GPR158: variants seen among roughly 807,000 people sequenced by gnomAD.
GPR158 encodes the protein G protein-coupled receptor 158.
In GPR158, 30 loss-of-function variants were observed where a neutral mutation model predicts 78.2. The observed-to-expected ratio is 0.38, with a 90% CI of 0.29 to 0.52. The LOEUF is 0.52. GPR158 is among the 20% of genes least tolerant of loss of function. The pLI is 0.83. For synonymous variants in GPR158, 581 were observed against 591.1 expected, an observed-to-expected ratio of 0.98 and a Z score of 0.25; for missense variants, 1,463 against 1,523.5, an observed-to-expected ratio of 0.96 and a Z score of 0.66.
chr10:25,532,268 G>A lies in GPR158; in HGVS notation c.1405-18708G>A, dbSNP rs370901932. On this transcript the variant is annotated intron_variant, in intron 5 of 10. Coordinates refer to ENST00000376351, the MANE Select transcript of GPR158 (RefSeq NM_020752.3). ...GTCTATGCAAGACTATCTGTTAAAC[G>A]GATGAGGCACCATACTAAGCTAAAG... Among the ~76,000 whole-genome samples the A allele has an allele frequency of 6.6e-5, 10 of 151,018 alleles. No homozygotes were observed. The East Asian group carries it at 1.4e-3, about 21-fold the overall frequency.
At chr10:25,265,357 T>C (rs984880495) in intron 2 of GPR158, among the ~76,000 whole-genome samples, 1 of 152,164 alleles carries the variant, frequency 6.6e-6, no homozygotes, top group Non-Finnish European at 1.5e-5. Flanking sequence ...ATGTTCCAGA[T>C]TGTGCAGTTT....
intron 2 of GPR158, among the ~76,000 whole-genome samples, chr10:25,221,617 G>A (rs1464990024): frequency 1.3e-5 from 2 of 152,134 alleles, no homozygotes; most frequent in African/African-American, 4.8e-5. Context: ...ACTGTACAGG[G>A]TCCTGGAAAG....
intron 1 of GPR158, among the ~76,000 whole-genome samples, chr10:25,189,682 T>C (rs1044412136): frequency 6.6e-6 from 1 of 151,568 alleles, no homozygotes; most frequent in African/African-American, 2.4e-5. Flanking sequence ...ATATACCTAA[T>C]GTAAATGATG....
intron 2 of GPR158, among the ~76,000 whole-genome samples, chr10:25,281,427 A>T (rs1418454337): frequency 6.6e-6 from 1 of 150,784 alleles, no homozygotes; most frequent in Non-Finnish European, 1.5e-5. Context: ...AAAAAAAAAA[A>T]AATAGCTGGG....
At chr10:25,374,830 G>T in intron 2 of GPR158, among the ~76,000 whole-genome samples, 1 of 151,534 alleles carries the variant, frequency 6.6e-6, no homozygotes, top group South Asian at 2.1e-4. Context: ...TGCAGTTTTG[G>T]CTCTTAAAAA....
intron 2 of GPR158, among the ~76,000 whole-genome samples, chr10:25,334,398 T>A (rs191979199): frequency 1.3e-5 from 2 of 152,220 alleles, no homozygotes; most frequent in Admixed American, 1.3e-4. Context: ...TAATTATCAT[T>A]TTTGTCCTGC....
At chr10:25,204,956 A>G (rs529862459) in intron 1 of GPR158, among the ~76,000 whole-genome samples, 64 of 151,276 alleles carry the variant, frequency 4.2e-4, no homozygotes, top group African/African-American at 1.5e-3. Context: ...ACCCAGTGGG[A>G]GATAATTGAA....
At chr10:25,327,948 A>G (rs974979983) in intron 2 of GPR158, among the ~76,000 whole-genome samples, 1 of 152,204 alleles carries the variant, frequency 6.6e-6, no homozygotes, top group Non-Finnish European at 1.5e-5. Flanking sequence ...TATTGACCCT[A>G]TTCCTCTAGC....
intron 2 of GPR158, among the ~76,000 whole-genome samples, chr10:25,247,336 T>C (rs1198936444): frequency 4.6e-5 from 7 of 151,534 alleles, no homozygotes; most frequent in Admixed American, 3.3e-4. Flanking sequence ...TTATTATACT[T>C]TAAGTTTTAG....
At chr10:25,373,962 A>T (rs954146212) in intron 2 of GPR158, among the ~76,000 whole-genome samples, 18 of 151,802 alleles carry the variant, frequency 1.2e-4, no homozygotes, top group African/African-American at 3.9e-4. Flanking sequence ...AGGTTGTTCA[A>T]ATCTTCATAC....
intron 2 of GPR158, among the ~76,000 whole-genome samples, chr10:25,241,125 T>TTTTCTTTCTTTCTTTCTTTC (rs752386158): frequency 2.8e-5 from 3 of 108,446 alleles, no homozygotes; most frequent in Admixed American, 9.9e-5. Flanking sequence ...TTTACTTTGA[T>TTTTCTTTCTTTCTTTCTTTC]TTTCTTTCTT....
Position 25,598,236 on chromosome 10 carries a change from G to A in GPR158, c.2610G>A (p.Thr870=), listed in dbSNP as rs760710516. The A allele has an allele frequency of 6.8e-6, 11 of 1,613,980 alleles. No homozygotes were observed. Among genetic ancestry groups the A allele is most frequent in the South Asian group, 6.6e-5 (6 of 91,074 alleles). Residue 870 remains threonine, a synonymous_variant, in exon 11 of 11, where the codon ACG becomes ACA. Transcript: ENST00000376351. ...KLKEDSEAES[T]ESVPLVCKSA... is the part of the protein sequence containing the mutation. Reference sequence around the variant, plus strand: ...AAGAAGACAGCGAGGCTGAGTCCACGGAGTCGGTGCCGTTGGTGTGCAAGT... The same window carrying A: ...AAGAAGACAGCGAGGCTGAGTCCACAGAGTCGGTGCCGTTGGTGTGCAAGT...
At chr10:25,421,283 T>C (rs1478867748) in intron 4 of GPR158, among the ~76,000 whole-genome samples, 1 of 152,230 alleles carries the variant, frequency 6.6e-6, no homozygotes, top group Non-Finnish European at 1.5e-5. Flanking sequence ...TTATCTTCCA[T>C]AGTCCCAATG....
chr10:25,540,945 AATATATAT>A (rs57800341), intron 5 of GPR158, among the ~76,000 whole-genome samples: 4,786 of 82,848 alleles, frequency 0.058, 130 homozygotes, highest in Non-Finnish European at 0.066. Flanking sequence ...GTATAATAAA[AATATATAT>A]ATATATATAT....
chr10:25,228,262 G>A (rs189451215), intron 2 of GPR158, among the ~76,000 whole-genome samples: 34 of 152,046 alleles, frequency 2.2e-4, no homozygotes, highest in Admixed American at 1.3e-3. Flanking sequence ...GCAATAGAGT[G>A]AGACCTCATT....
At chr10:25,353,654 A>T (rs1855506504) in intron 2 of GPR158, among the ~76,000 whole-genome samples, 1 of 152,086 alleles carries the variant, frequency 6.6e-6, no homozygotes, top group Non-Finnish European at 1.5e-5. Context: ...GCGGCTAAAA[A>T]ATGTTAAAAC....
At chr10:25,372,637 T>C (rs1457424653) in intron 2 of GPR158, among the ~76,000 whole-genome samples, 2 of 140,912 alleles carry the variant, frequency 1.4e-5, no homozygotes, top group African/African-American at 5.3e-5. Context: ...ATATTCTCAG[T>C]CATAGGTGGG....
At chr10:25,250,917 A>C (rs1034823626) in intron 2 of GPR158, among the ~76,000 whole-genome samples, 31 of 151,394 alleles carry the variant, frequency 2.0e-4, no homozygotes, top group Non-Finnish European at 2.6e-4. Context: ...GTGGGGTGTT[A>C]AAGTCTCCCA....
In GPR158 at chr10:25,599,140, T is replaced by A; in HGVS notation, c.3514T>A (p.Cys1172Ser). The change falls in exon 11 of 11, where the codon TGT becomes AGT. Residue 1172 changes from cysteine (C) to serine (S), a missense_variant. Coordinates refer to ENST00000376351, the MANE Select transcript of GPR158 (RefSeq NM_020752.3). ...QQPLTSRAEV[C>S]PWEFETPAQP... Reference sequence around the variant, plus strand: ...ACCTTTAACATCACGAGCAGAGGTTTGTCCTTGGGAGTTTGAGACCCCAGC... The same window carrying A: ...ACCTTTAACATCACGAGCAGAGGTTAGTCCTTGGGAGTTTGAGACCCCAGC... 1 of 1,611,284 alleles carries A rather than the reference T, an allele frequency of 6.2e-7. No individual in the cohort carries two copies. Among genetic ancestry groups the A allele is most frequent in the Non-Finnish European group, 8.5e-7 (1 of 1,179,976 alleles).
Sources: gnomAD v4.1 joint callset for allele counts (sites outside exome capture counted in the v4.1 genomes callset) on GRCh38, gnomAD v4.1.1 for gene constraint, MANE v1.5 for transcripts, NCBI Gene and HGNC (gene_info 2026-07-23, HGNC 2026-07-21) for gene names.